Variants in DNAH11 observed in about 807,000 individuals in gnomAD.
The protein encoded by DNAH11 is axonemal beta dynein heavy chain 11.
DNAH11 carries 442 observed loss-of-function variants against 526.0 expected under a neutral mutation model. That is an observed-to-expected ratio of 0.84 (90% confidence interval 0.78 to 0.91). DNAH11 has a LOEUF of 0.91. Ranked by LOEUF, DNAH11 falls within the 40% of genes least tolerant of loss-of-function variation. The pLI, the probability that DNAH11 is intolerant of heterozygous loss-of-function variation, is 0.00. For synonymous variants in DNAH11, 2,461 were observed against 1,935.9 expected, an observed-to-expected ratio of 1.27 and a Z score of -7.12; for missense variants, 6,989 against 5,448.7, an observed-to-expected ratio of 1.28 and a Z score of -8.90.
Position 21,750,883 on chromosome 7 carries a change from C to T in DNAH11, c.8940+519C>T, listed in dbSNP as rs540866068. Reference sequence around the variant, plus strand: ...CTCTAAAGGCCTGGAACATAGAGTTCTTATAGGGAGAGTGAGATCAGTAAA... The same window carrying T: ...CTCTAAAGGCCTGGAACATAGAGTTTTTATAGGGAGAGTGAGATCAGTAAA... On this transcript the variant is annotated intron_variant, in intron 54 of 81. Coordinates refer to ENST00000409508, the MANE Select transcript of DNAH11 (RefSeq NM_001277115.2). Among the ~76,000 whole-genome samples the T allele has an allele frequency of 1.6e-4, 25 of 152,150 alleles. No homozygotes were observed. In the South Asian group the frequency reaches 4.8e-3, roughly 29 times the overall value.
At chr7:21,701,776 C>T (rs899754805) in intron 36 of DNAH11, among the ~76,000 whole-genome samples, 2 of 152,200 alleles carry the variant, frequency 1.3e-5, no homozygotes, top group Admixed American at 6.5e-5. Flanking sequence ...ATTCACTTTA[C>T]TCCTACAACC....
chr7:21,808,647 GT>G (rs1174856879), intron 63 of DNAH11, among the ~76,000 whole-genome samples: 1 of 152,024 alleles, frequency 6.6e-6, no homozygotes, highest in East Asian at 1.9e-4. Context: ...TTATCTTTTT[GT>G]GCCTGGTTTA....
intron 25 of DNAH11, among the ~76,000 whole-genome samples, chr7:21,629,831 C>A (rs771175083): frequency 2.0e-5 from 3 of 151,940 alleles, no homozygotes; most frequent in Non-Finnish European, 4.4e-5. Context: ...AAGTGGGTTT[C>A]TTGTAGGCAC....
intron 25 of DNAH11, among the ~76,000 whole-genome samples, chr7:21,624,137 G>T (rs975663454): frequency 6.6e-6 from 1 of 151,970 alleles, no homozygotes; most frequent in African/African-American, 2.4e-5. Context: ...CACAATAACA[G>T]GTAGTACAAT....
At chr7:21,671,739 C>T (rs770512407) in intron 30 of DNAH11, among the ~76,000 whole-genome samples, 4 of 152,014 alleles carry the variant, frequency 2.6e-5, no homozygotes, top group South Asian at 2.1e-4. Context: ...TTACAGTGGG[C>T]GTTTATTGAC....
chr7:21,561,353 A>G, intron 5 of DNAH11, 183 bp downstream of exon 5: 3 of 538,826 alleles, frequency 5.6e-6, no homozygotes, highest in Non-Finnish European at 9.7e-6. Context: ...AACTACTTTT[A>G]GTTTATCTGG....
intron 47 of DNAH11, among the ~76,000 whole-genome samples, chr7:21,739,188 C>A (rs1393217852): frequency 6.6e-6 from 1 of 152,140 alleles, no homozygotes; most frequent in Non-Finnish European, 1.5e-5. Context: ...GAAATTTGAT[C>A]TTGTTTGGCA....
chr7:21,698,241 G>T, intron 36 of DNAH11, 28 bp downstream of exon 36: 4 of 1,610,750 alleles, frequency 2.5e-6, no homozygotes, highest in Admixed American at 1.7e-5. Flanking sequence ...ACGTTTTCTT[G>T]TTTTTACATA....
In DNAH11 at chr7:21,560,953, T is replaced by G. The variant is rs933929662; in HGVS notation, c.883-118T>G. 2.0e-5 allele frequency: 13 copies of G among 664,164 alleles called. No homozygotes were observed. In the African/African-American group the frequency reaches 2.5e-4, roughly 13 times the overall value. The allele number at this position is 664,164 out of a possible 1,614,324, so 41.1% of individuals were successfully genotyped here. ...ACTGGAAACCAGATATAACTTTGAG[T>G]GTTAAATACTGTATCACTTGTGAGT... On this transcript the variant is annotated intron_variant, in intron 4 of 81. Coordinates refer to ENST00000409508, the MANE Select transcript of DNAH11 (RefSeq NM_001277115.2).
chr7:21,816,557 A>C lies in DNAH11; in HGVS notation c.10423A>C (p.Ser3475Arg), dbSNP rs776170619. 10 of 1,613,320 alleles carry C rather than the reference A, an allele frequency of 6.2e-6. No individual in the cohort carries two copies. Among genetic ancestry groups the C allele is most frequent in the Non-Finnish European group, 8.5e-6 (10 of 1,179,714 alleles). Residue 3475 changes from serine (S) to arginine (R), a missense_variant, in exon 64 of 82, where the codon AGT (serine) becomes CGT (arginine). Physicochemically the swap from Ser to Arg is moderately radical, Grantham distance 110. Transcript: ENST00000409508. Reference sequence around the variant, plus strand: ...CGCCTGGAATAACGAAGGACTGCCCAGTGACAGAATGTCCACCGAAAATGC... The same window carrying C: ...CGCCTGGAATAACGAAGGACTGCCCCGTGACAGAATGTCCACCGAAAATGC... ...IAAWNNEGLPSDRMSTENAAI... is the reference protein window; with the variant it reads ...IAAWNNEGLPRDRMSTENAAI...
chr7:21,621,633 T>TG, intron 25 of DNAH11, among the ~76,000 whole-genome samples: 1 of 152,068 alleles, frequency 6.6e-6, no homozygotes, highest in Admixed American at 6.5e-5. Context: ...CAGGATCAAG[T>TG]GGGCTTCATC....
intron 25 of DNAH11, among the ~76,000 whole-genome samples, chr7:21,620,653 T>G (rs1043980275): frequency 6.6e-6 from 1 of 151,270 alleles, no homozygotes; most frequent in Non-Finnish European, 1.5e-5. Context: ...CATGCTGGTG[T>G]GCTGCACCCA....
intron 30 of DNAH11, among the ~76,000 whole-genome samples, chr7:21,669,591 T>C (rs1048010011): frequency 1.3e-5 from 2 of 152,140 alleles, no homozygotes; most frequent in Admixed American, 6.6e-5. Flanking sequence ...TTTGATGCAG[T>C]GTAGTGTATC....
At chr7:21,653,268 A>G (rs1187167483) in intron 28 of DNAH11, among the ~76,000 whole-genome samples, 2 of 152,198 alleles carry the variant, frequency 1.3e-5, no homozygotes, top group Non-Finnish European at 1.5e-5. Flanking sequence ...AATACGAAGC[A>G]ATCTCATTAA....
intron 36 of DNAH11, among the ~76,000 whole-genome samples, chr7:21,699,671 T>C (rs1028910255): frequency 3.3e-5 from 5 of 152,182 alleles, no homozygotes; most frequent in Non-Finnish European, 5.9e-5. Flanking sequence ...TGGGTGTTTT[T>C]ATTTTTTTCC....
chr7:21,598,817 T>C (rs942486779), intron 14 of DNAH11, among the ~76,000 whole-genome samples: 29 of 152,160 alleles, frequency 1.9e-4, no homozygotes, highest in African/African-American at 6.0e-4. Context: ...TATTTCCCAC[T>C]TAAAAGTGAG....
chr7:21,854,577 TCTCA>T, intron 68 of DNAH11, 122 bp downstream of exon 68: 1 of 1,124,732 alleles, frequency 8.9e-7, no homozygotes, highest in Non-Finnish European at 1.2e-6. Context: ...TGAGACAGAG[TCTCA>T]CTCTGTAGCC....
At chr7:21,572,597 C>T (rs755520161) in intron 8 of DNAH11, among the ~76,000 whole-genome samples, 6 of 152,090 alleles carry the variant, frequency 3.9e-5, no homozygotes, top group Non-Finnish European at 8.8e-5. Context: ...CAGCGAAGCC[C>T]AAGTCCAAAA....
In DNAH11 at chr7:21,613,207, A is replaced by G. The variant is rs77653387; in HGVS notation, c.3853-1907A>G. ...AATATATAGGTGGACATAAATATCA[A>G]TTGAAATGTGATATATGTAGTAAAC... On this transcript the variant is annotated intron_variant, in intron 20 of 81. Transcript: ENST00000409508. 1.8e-3 allele frequency among the ~76,000 whole-genome samples: 280 copies of G among 152,350 alleles called. 3 individuals carry two copies. In the East Asian group the frequency reaches 0.032, roughly 17 times the overall value.
Sources: gnomAD v4.1 joint callset for allele counts (sites outside exome capture counted in the v4.1 genomes callset) on GRCh38, gnomAD v4.1.1 for gene constraint, MANE v1.5 for transcripts, NCBI Gene and HGNC (gene_info 2026-07-23, HGNC 2026-07-21) for gene names.